The following PCDHGA2 variants were observed in gnomAD, a reference collection of about 807,000 sequenced individuals.
PCDHGA2 encodes the protein protocadherin gamma-A2.
A neutral mutation model predicts 59.2 loss-of-function variants in PCDHGA2; 40 were observed. The ratio of observed to expected loss-of-function variants is 0.68; its 90% CI spans 0.52 to 0.88. PCDHGA2 has a LOEUF of 0.88. Ranked by LOEUF, PCDHGA2 falls within the 40% of genes least tolerant of loss-of-function variation. The probability of loss-of-function intolerance (pLI) is 0.00; values close to 1 mark genes in which losing one functional copy is unlikely to be tolerated. For synonymous variants in PCDHGA2, 560 were observed against 526.0 expected, an observed-to-expected ratio of 1.06 and a Z score of -0.89; for missense variants, 1,226 against 1,204.0, an observed-to-expected ratio of 1.02 and a Z score of -0.27.
At chr5:141,419,751 C>T (rs140649685) in intron 1 of PCDHGA2, 1 of 1,613,900 alleles carries the variant, frequency 6.2e-7, no homozygotes, top group African/African-American at 1.3e-5. Flanking sequence ...ATGGTGCGTG[C>T]TTTGGGTGAC....
chr5:141,499,029 A>AAGGAAGGAAGGAAGGAAGG (rs1562187768), intron 2 of PCDHGA2, among the ~76,000 whole-genome samples: 3 of 140,076 alleles, frequency 2.1e-5, no homozygotes, highest in African/African-American at 8.3e-5. Flanking sequence ...AGGAAGGAAG[A>AAGGAAGGAAGGAAGGAAGG]AAAGAAAGAA....
rs2095403267 is a variant in PCDHGA2, at chr5:141,410,523, A to C, written c.2424+69128A>C. 2 of 1,613,800 alleles carry C rather than the reference A, an allele frequency of 1.2e-6. No individual in the cohort carries two copies. Among genetic ancestry groups the C allele is most frequent in the African/African-American group, 2.7e-5 (2 of 74,910 alleles). ...TTCCTAAAATGCAGTGTGCCCCTAC[A>C]TTCCAATGAAGACATGGTTTGCAGT... On this transcript the variant is annotated intron_variant, in intron 1 of 3. Coordinates refer to ENST00000394576, the MANE Select transcript of PCDHGA2 (RefSeq NM_018915.4).
chr5:141,375,702 C>T, intron 1 of PCDHGA2: 2 of 1,614,242 alleles, frequency 1.2e-6, no homozygotes, highest in Non-Finnish European at 1.7e-6. Flanking sequence ...AGCGGGGACC[C>T]GCCTCTTAGC....
intron 1 of PCDHGA2, chr5:141,357,022 C>G (rs1318663239): frequency 6.2e-7 from 1 of 1,614,150 alleles, no homozygotes; most frequent in South Asian, 1.1e-5. Flanking sequence ...GTCCTACAGC[C>G]TACTCAAGTC....
intron 1 of PCDHGA2, among the ~76,000 whole-genome samples, chr5:141,368,795 A>G (rs1765861379): frequency 6.6e-6 from 1 of 152,188 alleles, no homozygotes; most frequent in Non-Finnish European, 1.5e-5. Flanking sequence ...ATAATTTTTC[A>G]TACTAATTGA....
At chr5:141,370,444 T>C in intron 1 of PCDHGA2, 2 of 1,607,792 alleles carry the variant, frequency 1.2e-6, no homozygotes, top group Non-Finnish European at 1.7e-6. Context: ...AGGCGAATGC[T>C]ATTTCTCTTC....
At chr5:141,453,351 C>T (rs1210851703) in intron 1 of PCDHGA2, among the ~76,000 whole-genome samples, 3 of 151,738 alleles carry the variant, frequency 2.0e-5, no homozygotes, top group African/African-American at 7.3e-5. Context: ...CCAGGCTGAC[C>T]CTGAACTCCT....
In PCDHGA2 at chr5:141,357,783, T is replaced by G. The variant is rs148673110; in HGVS notation, c.2424+16388T>G. 4.8e-3 allele frequency: 4,076 copies of G among 849,618 alleles called. 24 individuals carry two copies. The highest frequency in any genetic ancestry group is 0.011 in the Admixed American group (355 of 33,800). 52.6% of individuals were successfully genotyped at this position (849,618 alleles called of 1,614,324 possible). A position where few individuals can be genotyped will look rare whatever the true frequency, so the allele number is the denominator to read the frequency against. ...ATGACCTTCCAATAATGATCAACAG[T>G]ATTTACCACACAAAAATGTTGTTTA... On this transcript the variant is annotated intron_variant, in intron 1 of 3. Transcript: ENST00000394576.
rs999687684 is a variant in PCDHGA2 at position 141,431,598 on chromosome 5, C to G, written c.2425-63209C>G. 1 of 1,614,074 alleles carries G rather than the reference C, an allele frequency of 6.2e-7. No individual in the cohort carries two copies. The highest frequency in any genetic ancestry group is 1.3e-5 in the African/African-American group (1 of 74,938). On this transcript the variant is annotated intron_variant, in intron 1 of 3. Transcript: ENST00000394576. This position sits in a 1 kb window ranked among gnomAD's most constrained non-coding sequence, Gnocchi z 4.8. ...GGAGTCAATGCGGAAGTGAGGTATT[C>G]CTTCCGGTATGTGGACGACAAGGCG...
In PCDHGA2 at chr5:141,358,705, T is replaced by G. The variant is rs1488678526; in HGVS notation, c.2424+17310T>G. On this transcript the variant is annotated intron_variant, in intron 1 of 3. Transcript: ENST00000394576. Reference sequence around the variant, plus strand: ...TATCATGACATCACTATTGAGACTTTCTTGATTTCCAAGGAAAATATAAGT... The same window carrying G: ...TATCATGACATCACTATTGAGACTTGCTTGATTTCCAAGGAAAATATAAGT... Among the ~76,000 whole-genome samples, 3 of 152,360 alleles carry G rather than the reference T, an allele frequency of 2.0e-5. No individual in the cohort carries two copies. In the East Asian group the frequency reaches 5.8e-4, roughly 29 times the overall value.
rs571977774 is a variant in PCDHGA2 at position 141,375,523 on chromosome 5, C to G, written c.2424+34128C>G. ...TCTCTGTGAATGCACTGGACCCTGA[C>G]GTGGACCAGAACGCCCAAGTCTCCT... On this transcript the variant is annotated intron_variant, in intron 1 of 3. Coordinates refer to ENST00000394576, the MANE Select transcript of PCDHGA2 (RefSeq NM_018915.4). The G allele has an allele frequency of 1.6e-4, 253 of 1,614,032 alleles. 3 individuals are homozygous for G. The Admixed American group carries it at 4.2e-3, about 27-fold the overall frequency.
rs144222319 is a variant in PCDHGA2, at chr5:141,505,519, C to T, written c.2572+38C>T. ...AGTGTGTGTATGGAAGAGTGGGAGACCTGGGGTTCTGGGGTGCATCTCACA... is the reference window on the plus strand; with the variant it reads ...AGTGTGTGTATGGAAGAGTGGGAGATCTGGGGTTCTGGGGTGCATCTCACA... On this transcript the variant is annotated intron_variant, in intron 3 of 3. Coordinates refer to ENST00000394576, the MANE Select transcript of PCDHGA2 (RefSeq NM_018915.4). The T allele has an allele frequency of 1.5e-3, 2,491 of 1,613,690 alleles. 3 individuals carry two copies. The highest frequency in any genetic ancestry group is 2.6e-3 in the Middle Eastern group (16 of 6,060).
chr5:141,405,225 C>T (rs2154536264), intron 1 of PCDHGA2: 4 of 1,614,082 alleles, frequency 2.5e-6, no homozygotes, highest in Non-Finnish European at 1.7e-6. Context: ...CAGGAGTTCT[C>T]CCTCACCGCT....
intron 1 of PCDHGA2, chr5:141,404,187 G>A (rs370199750): frequency 3.1e-6 from 5 of 1,613,124 alleles, no homozygotes; most frequent in African/African-American, 1.3e-5. Context: ...ATTCTTGACC[G>A]AGAAAAAGCC....
intron 1 of PCDHGA2, among the ~76,000 whole-genome samples, chr5:141,464,431 A>G (rs1352563675): frequency 6.6e-6 from 1 of 151,648 alleles, no homozygotes; most frequent in Non-Finnish European, 1.5e-5. Flanking sequence ...ATATAGATAT[A>G]TATGTTTGTT....
chr5:141,370,539 AAC>A, intron 1 of PCDHGA2: 3 of 1,613,826 alleles, frequency 1.9e-6, no homozygotes, highest in Non-Finnish European at 2.5e-6. Context: ...GCTGGTAGGG[AAC>A]CTCGCCAAGG....
chr5:141,424,246 A>G (rs971050268), intron 1 of PCDHGA2: 2 of 154,772 alleles, frequency 1.3e-5, no homozygotes, highest in African/African-American at 4.8e-5. Context: ...GTGGCTGGTA[A>G]TATGCTTAGA....
At chr5:141,510,849 G>C (rs959784028) in intron 3 of PCDHGA2, 98 bp from the exon 4 acceptor site, 10 of 1,596,568 alleles carry the variant, frequency 6.3e-6, no homozygotes, top group Middle Eastern at 1.7e-4. Flanking sequence ...CAAGGCCCAG[G>C]GTGCTGTATA....
chr5:141,433,354 T>TCTGC, intron 1 of PCDHGA2: 2 of 602,322 alleles, frequency 3.3e-6, no homozygotes, highest in South Asian at 2.1e-5. Context: ...CCACCTACTG[T>TCTGC]CTGCCTATCT....
Sources: allele counts gnomAD v4.1 joint callset (sites outside exome capture counted in the v4.1 genomes callset), GRCh38; gene constraint gnomAD v4.1.1; non-coding constraint Gnocchi (gnomAD v3.1); transcripts MANE v1.5; gene names NCBI Gene and HGNC (gene_info 2026-07-23, HGNC 2026-07-21).